The following KCNN2 variants were observed in gnomAD, a reference collection of about 807,000 sequenced individuals.
The protein encoded by KCNN2 is potassium calcium-activated channel subfamily N member 2.
Under a neutral mutation model 55.5 loss-of-function variants are expected in KCNN2, and 24 were observed. The ratio of observed to expected loss-of-function variants is 0.43; its 90% CI spans 0.31 to 0.61. The LOEUF (loss-of-function observed/expected upper bound fraction) is 0.61, where lower values mean the gene tolerates loss of function less well. Ranked by LOEUF, KCNN2 falls within the 20% of genes least tolerant of loss-of-function variation. The pLI is 0.08. For synonymous variants in KCNN2, 431 were observed against 336.1 expected, an observed-to-expected ratio of 1.28 and a Z score of -3.09; for missense variants, 754 against 853.6, an observed-to-expected ratio of 0.88 and a Z score of 1.45.
intron 1 of KCNN2, among the ~76,000 whole-genome samples, chr5:114,138,208 ATCT>A (rs1187152038): frequency 1.3e-5 from 2 of 152,154 alleles, no homozygotes; most frequent in African/African-American, 4.8e-5. Context: ...GTCTGAAGGA[ATCT>A]TCTTAATGTA....
At chr5:114,282,279 A>G (rs530010754) in intron 2 of KCNN2, among the ~76,000 whole-genome samples, 1 of 152,120 alleles carries the variant, frequency 6.6e-6, no homozygotes, top group Non-Finnish European at 1.5e-5. Context: ...TGGTTGAATT[A>G]TAGCAAAAAA....
intron 5 of KCNN2, chr5:114,486,832 G>C: frequency 8.1e-7 from 1 of 1,241,674 alleles, no homozygotes; most frequent in Non-Finnish European, 1.1e-6. Context: ...CAGAAAGAAA[G>C]TGGTAGTATC....
intron 1 of KCNN2, among the ~76,000 whole-genome samples, chr5:114,135,053 G>A (rs982258152): frequency 3.3e-5 from 5 of 152,202 alleles, no homozygotes; most frequent in Non-Finnish European, 7.3e-5. Flanking sequence ...ATAAGATGGA[G>A]ATGAAAAGGA....
At chr5:114,426,970 A>G (rs1759643229) in intron 3 of KCNN2, among the ~76,000 whole-genome samples, 1 of 152,214 alleles carries the variant, frequency 6.6e-6, no homozygotes, top group Non-Finnish European at 1.5e-5. Flanking sequence ...AAAGTTTCAC[A>G]TTTTGTAGAC....
At chr5:114,436,334 G>A (rs967016582) in intron 3 of KCNN2, among the ~76,000 whole-genome samples, 4 of 152,154 alleles carry the variant, frequency 2.6e-5, no homozygotes, top group South Asian at 2.1e-4. Flanking sequence ...GAGATAGTCT[G>A]TAACACAGTT....
intron 2 of KCNN2, among the ~76,000 whole-genome samples, chr5:114,262,830 T>C (rs1473015830): frequency 6.6e-6 from 1 of 152,126 alleles, no homozygotes; most frequent in Non-Finnish European, 1.5e-5. Flanking sequence ...GGAAAAAAAA[T>C]GACTTGACCT....
intron 1 of KCNN2, among the ~76,000 whole-genome samples, chr5:114,179,558 T>G (rs954062351): frequency 6.6e-6 from 1 of 152,188 alleles, no homozygotes; most frequent in Non-Finnish European, 1.5e-5. Context: ...CCATGCTCCT[T>G]TCATTATACT....
chr5:114,256,566 C>T (rs78492409), intron 2 of KCNN2, among the ~76,000 whole-genome samples: 6,913 of 152,114 alleles, frequency 0.045, 196 homozygotes, highest in South Asian at 0.072. Flanking sequence ...TAATCATAAC[C>T]TTTCTGACTG....
At chr5:114,172,675 A>G (rs1753062696) in intron 1 of KCNN2, among the ~76,000 whole-genome samples, 1 of 150,230 alleles carries the variant, frequency 6.7e-6, no homozygotes, top group Admixed American at 6.7e-5. Flanking sequence ...TTTGATTTGC[A>G]TTTCTCTGAT....
At chr5:114,328,463 T>C (rs900306694) in intron 2 of KCNN2, among the ~76,000 whole-genome samples, 1 of 152,200 alleles carries the variant, frequency 6.6e-6, no homozygotes, top group Non-Finnish European at 1.5e-5. Context: ...CTAGGATGCT[T>C]TGCTAAATGT....
chr5:114,385,217 C>CT (rs1758238803), intron 2 of KCNN2, among the ~76,000 whole-genome samples: 1 of 151,700 alleles, frequency 6.6e-6, no homozygotes, highest in African/African-American at 2.4e-5. Context: ...TCTTTTTTCT[C>CT]TTGCTTTCTT....
At chr5:114,072,682 G>A (rs972745796) in intron 1 of KCNN2, among the ~76,000 whole-genome samples, 3 of 152,152 alleles carry the variant, frequency 2.0e-5, no homozygotes, top group African/African-American at 7.2e-5. Flanking sequence ...CAGTGATAAA[G>A]CACAGGGACT....
chr5:114,334,259 GATGTGT>G lies in KCNN2; in HGVS notation c.-184-26685_-184-26680del, dbSNP rs1283740854. Among the ~76,000 whole-genome samples the G allele has an allele frequency of 2.4e-5, 3 of 126,304 alleles. No individual in the cohort carries two copies. The East Asian group carries it at 7.5e-4, about 31-fold the overall frequency. 82.9% of individuals were successfully genotyped at this position (126,304 alleles called of 152,430 possible). A position where few individuals can be genotyped will look rare whatever the true frequency, so the allele number is the denominator to read the frequency against. On this transcript the variant is annotated intron_variant, in intron 2 of 10. Coordinates refer to the KCNN2 transcript ENST00000512097. ...GATGTGGAATCTACTCCATATGCCT[GATGTGT>G]GTGTGTGTGTGTGTGTGTGTGTGTG...
chr5:114,057,853 T>C (rs1750244063), intron 1 of KCNN2, among the ~76,000 whole-genome samples: 1 of 152,216 alleles, frequency 6.6e-6, no homozygotes, highest in African/African-American at 2.4e-5. Context: ...CATTGAGATA[T>C]TCTTTTATAT....
chr5:114,307,312 C>T (rs1466014277), intron 2 of KCNN2, among the ~76,000 whole-genome samples: 1 of 152,180 alleles, frequency 6.6e-6, no homozygotes, highest in Non-Finnish European at 1.5e-5. Flanking sequence ...CATTATCATT[C>T]TGCTCACCAA....
chr5:114,154,658 T>G (rs6875528), intron 1 of KCNN2, among the ~76,000 whole-genome samples: 130,271 of 152,108 alleles, frequency 0.86, 56,069 homozygotes, highest in East Asian at 0.95. Flanking sequence ...ACCAAAACTT[T>G]CTAGTTTGGG....
At chr5:114,351,903 A>G (rs1324428190) in intron 2 of KCNN2, among the ~76,000 whole-genome samples, 1 of 151,616 alleles carries the variant, frequency 6.6e-6, no homozygotes, top group African/African-American at 2.4e-5. Context: ...TAGTTTTCTT[A>G]TGATGTCTTT....
rs1747580297 is a variant in KCNN2 at position 114,486,949 on chromosome 5, C to T, written c.1891-101C>T. 3.6e-6 allele frequency: 5 copies of T among 1,385,810 alleles called. No homozygotes were observed. The South Asian group carries it at 6.2e-5, about 17-fold the overall frequency. 85.8% of individuals were successfully genotyped at this position (1,385,810 alleles called of 1,614,324 possible). A position where few individuals can be genotyped will look rare whatever the true frequency, so the allele number is the denominator to read the frequency against. On this transcript the variant is annotated intron_variant, in intron 5 of 7. Coordinates refer to ENST00000673685, the MANE Select transcript of KCNN2 (RefSeq NM_021614.4). ...GAGTCATGGTTACTAAATGAAGCTA[C>T]AGCTCACCATGATCCTTGGGATGAA...
At chr5:114,116,001 C>T (rs1213680368) in intron 1 of KCNN2, among the ~76,000 whole-genome samples, 2 of 152,126 alleles carry the variant, frequency 1.3e-5, no homozygotes, top group Non-Finnish European at 2.9e-5. Context: ...ATAGAAACTT[C>T]TGCCCTGTGA....
Sources: gnomAD v4.1 joint callset for allele counts (sites outside exome capture counted in the v4.1 genomes callset) on GRCh38, gnomAD v4.1.1 for gene constraint, MANE v1.5 for transcripts, NCBI Gene and HGNC (gene_info 2026-07-23, HGNC 2026-07-21) for gene names.